Variants in MAPKAP1 observed in about 807,000 individuals in gnomAD.
The protein encoded by MAPKAP1 is MAPK associated protein 1, also known as target of rapamycin complex 2 subunit MAPKAP1.
Under a neutral mutation model 65.7 loss-of-function variants are expected in MAPKAP1, and 20 were observed. The ratio of observed to expected loss-of-function variants is 0.30; its 90% confidence interval spans 0.21 to 0.44. The LOEUF (loss-of-function observed/expected upper bound fraction) is 0.44, where lower values mean the gene tolerates loss of function less well. Among genes scored for constraint, MAPKAP1 ranks in the 20% least tolerant of loss-of-function variants. MAPKAP1 has a pLI of 1.00. For missense variants in MAPKAP1, 423 were observed against 648.0 expected (o/e 0.65, Z 3.77); for synonymous variants, 222 against 244.3 (o/e 0.91, Z 0.85).
intron 6 of MAPKAP1, among the ~76,000 whole-genome samples, chr9:125,550,481 A>C (rs1830554865): frequency 6.6e-6 from 1 of 152,252 alleles, no homozygotes; most frequent in South Asian, 2.1e-4. Flanking sequence ...AAGTAAGTTG[A>C]TGGTTATCTA....
At chr9:125,644,480 A>G (rs1210156462) in intron 4 of MAPKAP1, among the ~76,000 whole-genome samples, 2 of 152,228 alleles carry the variant, frequency 1.3e-5, no homozygotes, top group Non-Finnish European at 2.9e-5. Context: ...CCAGATAAAG[A>G]ATTATTAGCA....
intron 8 of MAPKAP1, among the ~76,000 whole-genome samples, chr9:125,499,443 T>C (rs1564532291): frequency 6.6e-6 from 1 of 152,240 alleles, no homozygotes; most frequent in African/African-American, 2.4e-5. Context: ...AGACTAGTTA[T>C]GATTCCATTG....
chr9:125,601,572 C>T (rs1832300778), intron 4 of MAPKAP1, among the ~76,000 whole-genome samples: 1 of 152,176 alleles, frequency 6.6e-6, no homozygotes, highest in South Asian at 2.1e-4. Flanking sequence ...ATCTTTCATG[C>T]ACATCCAGCT....
intron 9 of MAPKAP1, among the ~76,000 whole-genome samples, chr9:125,476,494 A>T (rs963901925): frequency 6.6e-6 from 1 of 152,126 alleles, no homozygotes; most frequent in Non-Finnish European, 1.5e-5. Context: ...CCACTTCCTA[A>T]GAACACGCAT....
At chr9:125,594,682 A>C (rs1832072924) in intron 4 of MAPKAP1, among the ~76,000 whole-genome samples, 1 of 152,164 alleles carries the variant, frequency 6.6e-6, no homozygotes, top group South Asian at 2.1e-4. Context: ...TTTTTTCTGT[A>C]ACTACCCTCA....
chr9:125,646,695 T>C (rs952527307), intron 4 of MAPKAP1, among the ~76,000 whole-genome samples: 1 of 152,204 alleles, frequency 6.6e-6, no homozygotes, highest in East Asian at 1.9e-4. Context: ...AAGGTCATCA[T>C]GGTTGAAAAA....
At chr9:125,462,355 A>ATGT (rs1482663623) in intron 10 of MAPKAP1, among the ~76,000 whole-genome samples, 24 of 152,212 alleles carry the variant, frequency 1.6e-4, no homozygotes, top group Non-Finnish European at 2.5e-4. Context: ...GCAGCTCTAC[A>ATGT]AACAAGTAAC....
At chr9:125,694,943 A>G (rs1835339952) in intron 1 of MAPKAP1, among the ~76,000 whole-genome samples, 1 of 152,274 alleles carries the variant, frequency 6.6e-6, no homozygotes, top group African/African-American at 2.4e-5. Context: ...GAAGATAATT[A>G]AAATAATTTA....
Position 125,697,600 on chromosome 9 carries a change from G to C in MAPKAP1, c.-70+9371C>G, listed in dbSNP as rs996957886. Among the ~76,000 whole-genome samples the C allele has an allele frequency of 6.6e-5, 10 of 151,902 alleles. No homozygotes were observed. In the Middle Eastern group the frequency reaches 0.01, roughly 155 times the overall value. ...TTCCATGATTTCTCTAATTTTTATT[G>C]AACATTAAGGTTCTAATTTTTGCTA... On this transcript the variant is annotated intron_variant, in intron 1 of 11. Coordinates refer to ENST00000265960, the MANE Select transcript of MAPKAP1 (RefSeq NM_001006617.3).
chr9:125,485,033 G>A (rs1854451625), intron 8 of MAPKAP1, among the ~76,000 whole-genome samples: 1 of 151,940 alleles, frequency 6.6e-6, no homozygotes, highest in Non-Finnish European at 1.5e-5. Context: ...CTCACCCTGC[G>A]CCCCACAGCC....
intron 11 of MAPKAP1, among the ~76,000 whole-genome samples, chr9:125,441,820 C>T (rs188153525): frequency 6.0e-4 from 92 of 152,220 alleles, no homozygotes; most frequent in African/African-American, 2.1e-3. Flanking sequence ...ACTAAGTATT[C>T]CAATTGCTAT....
At chr9:125,495,044 G>A (rs1238255030) in intron 8 of MAPKAP1, among the ~76,000 whole-genome samples, 2 of 152,194 alleles carry the variant, frequency 1.3e-5, no homozygotes, top group Non-Finnish European at 2.9e-5. Flanking sequence ...TTATGGGTTT[G>A]CTTGGAAGTT....
intron 4 of MAPKAP1, among the ~76,000 whole-genome samples, chr9:125,628,866 T>TC (rs1554833584): frequency 6.6e-6 from 1 of 151,244 alleles, no homozygotes; most frequent in East Asian, 1.9e-4. Flanking sequence ...ACTCTACAAC[T>TC]CAACAACAAC....
chr9:125,498,092 T>C (rs890864921), intron 8 of MAPKAP1, among the ~76,000 whole-genome samples: 1 of 152,206 alleles, frequency 6.6e-6, no homozygotes, highest in African/African-American at 2.4e-5. Flanking sequence ...CTAGCAGGCA[T>C]TTGGCTGAAG....
intron 4 of MAPKAP1, among the ~76,000 whole-genome samples, chr9:125,601,657 G>A (rs1326266105): frequency 2.6e-5 from 4 of 152,146 alleles, no homozygotes; most frequent in African/African-American, 7.2e-5. Flanking sequence ...ATCAGTGTAC[G>A]TCTCTTCAGT....
intron 1 of MAPKAP1, among the ~76,000 whole-genome samples, chr9:125,702,212 C>T (rs1189128392): frequency 2.6e-5 from 4 of 152,108 alleles, no homozygotes; most frequent in Non-Finnish European, 4.4e-5. Context: ...GCCTAGGCAA[C>T]ATAGATAGAC....
intron 4 of MAPKAP1, among the ~76,000 whole-genome samples, chr9:125,654,022 T>C (rs1833963706): frequency 6.6e-6 from 1 of 152,184 alleles, no homozygotes; most frequent in African/African-American, 2.4e-5. Context: ...CTCAAGAAAG[T>C]GATATGGCAT....
At chr9:125,450,140 C>G (rs1013947832) in intron 10 of MAPKAP1, among the ~76,000 whole-genome samples, 11 of 152,128 alleles carry the variant, frequency 7.2e-5, no homozygotes, top group Non-Finnish European at 1.5e-4. Context: ...GGGAGGGTCT[C>G]TTCTAACACA....
At chr9:125,576,116 G>A (rs982005182) in intron 5 of MAPKAP1, among the ~76,000 whole-genome samples, 3 of 152,166 alleles carry the variant, frequency 2.0e-5, no homozygotes, top group African/African-American at 4.8e-5. Context: ...ACTAGATGGC[G>A]TTCTGTAAAA....
Sources: allele counts gnomAD v4.1 joint callset (sites outside exome capture counted in the v4.1 genomes callset), GRCh38; gene constraint gnomAD v4.1.1; transcripts MANE v1.5; gene names NCBI Gene and HGNC (gene_info 2026-07-23, HGNC 2026-07-21).